TXNRD3: variants seen among roughly 807,000 people sequenced by gnomAD.
The protein encoded by TXNRD3 is TXNRD3 neighbor gene protein.
In TXNRD3, 68 loss-of-function variants were observed where a neutral mutation model predicts 78.2. The ratio of observed to expected loss-of-function variants is 0.87; its 90% confidence interval spans 0.72 to 1.06. The LOEUF (loss-of-function observed/expected upper bound fraction) is 1.06. Among genes scored for constraint, TXNRD3 ranks in the 50% least tolerant of loss-of-function variants. The pLI is 0.00. For synonymous variants in TXNRD3, 296 were observed against 300.1 expected (o/e 0.99, Z 0.14); for missense variants, 751 against 809.5 (o/e 0.93, Z 0.88).
intron 10 of TXNRD3, among the ~76,000 whole-genome samples, chr3:126,628,091 G>A (rs1938621832): frequency 6.6e-6 from 1 of 152,064 alleles, no homozygotes; most frequent in South Asian, 2.1e-4. Flanking sequence ...ATCATCCACA[G>A]CTGCAAACGA....
intron 10 of TXNRD3, among the ~76,000 whole-genome samples, chr3:126,623,116 T>C (rs1428986593): frequency 3.9e-5 from 6 of 152,212 alleles, no homozygotes; most frequent in Admixed American, 3.9e-4. Context: ...AAAATAAATG[T>C]TGTTTAAGCC....
At chr3:126,632,663 A>T (rs1559775918) in intron 7 of TXNRD3, among the ~76,000 whole-genome samples, 1 of 151,154 alleles carries the variant, frequency 6.6e-6, no homozygotes, top group Non-Finnish European at 1.5e-5. Flanking sequence ...CTGTCTCAAA[A>T]AAAAAAAAAA....
At chr3:126,634,952 A>T (rs1304176519) in intron 6 of TXNRD3, among the ~76,000 whole-genome samples, 3 of 152,202 alleles carry the variant, frequency 2.0e-5, no homozygotes, top group Non-Finnish European at 4.4e-5. Flanking sequence ...AAGCTTAGCC[A>T]ATGTCAACAC....
chr3:126,614,919 C>T (rs116338003), intron 13 of TXNRD3, among the ~76,000 whole-genome samples: 3,380 of 152,168 alleles, frequency 0.022, 52 homozygotes, highest in Non-Finnish European at 0.031. Context: ...TATAATTGGA[C>T]AGGGTTGGGG....
chr3:126,641,959 G>A, intron 6 of TXNRD3, 73 bp downstream of exon 6: 1 of 1,407,352 alleles, frequency 7.1e-7, no homozygotes, highest in African/African-American at 1.5e-5. Context: ...ATAAAAATAT[G>A]AATACCAAGT....
At chr3:126,612,819 C>T (rs1427260375) in intron 13 of TXNRD3, among the ~76,000 whole-genome samples, 2 of 152,222 alleles carry the variant, frequency 1.3e-5, no homozygotes, top group East Asian at 3.8e-4. Context: ...TCCAACTTTA[C>T]ATTTTTCCTT....
In TXNRD3 at chr3:126,607,658, C is replaced by A; in HGVS notation, c.*247G>T. 3.0e-6 allele frequency: 1 copy of A among 333,074 alleles called. No individual in the cohort carries two copies. Among genetic ancestry groups the A allele is most frequent in the Non-Finnish European group, 5.4e-6 (1 of 184,856 alleles). The allele number at this position is 333,074 out of a possible 1,614,324, so 20.6% of individuals were successfully genotyped here. On this transcript the variant is annotated 3_prime_UTR_variant, in exon 16 of 16. Coordinates refer to ENST00000524230, the MANE Select transcript of TXNRD3 (RefSeq NM_052883.3). Reference sequence around the variant, plus strand: ...GAGTCAGCCTTGGCTCACCTCATAACGGGGCTCCAAGCTAAGGCGTCAAGG... The same window carrying A: ...GAGTCAGCCTTGGCTCACCTCATAAAGGGGCTCCAAGCTAAGGCGTCAAGG...
chr3:126,646,314 G>T, intron 2 of TXNRD3, 94 bp from the exon 3 acceptor site: 1 of 963,364 alleles, frequency 1.0e-6, no homozygotes, highest in Non-Finnish European at 1.5e-6. Flanking sequence ...ATGTTCACAT[G>T]TACATACTCA....
chr3:126,629,574 G>A, intron 9 of TXNRD3, 103 bp from the exon 10 acceptor site: 1 of 853,216 alleles, frequency 1.2e-6, no homozygotes, highest in Non-Finnish European at 1.7e-6. Context: ...TGTGTTTGGT[G>A]GTGGTACATA....
intron 6 of TXNRD3, among the ~76,000 whole-genome samples, chr3:126,639,734 CTAATTTTTCTATTTTTTGTAGAG>C (rs1240633500): frequency 2.0e-5 from 3 of 152,064 alleles, no homozygotes; most frequent in South Asian, 2.1e-4. Context: ...CCATGCCTGC[CTAATTTTTCTATTTTTTGTAGAG>C]TAATTTTTCT....
chr3:126,616,577 C>G (rs1239319754), intron 12 of TXNRD3, among the ~76,000 whole-genome samples: 1 of 152,168 alleles, frequency 6.6e-6, no homozygotes, highest in African/African-American at 2.4e-5. Context: ...CACATCTGTA[C>G]AAACCCCCCA....
In TXNRD3 at chr3:126,611,139, G is replaced by T. The variant is rs1045472960; in HGVS notation, c.1633-7C>A. 2 of 1,494,012 alleles carry T rather than the reference G, an allele frequency of 1.3e-6. No individual in the cohort carries two copies. Among genetic ancestry groups the T allele is most frequent in the African/African-American group, 2.8e-5 (2 of 71,402 alleles). The allele number at this position is 1,494,012 out of a possible 1,614,324, so 92.5% of individuals were successfully genotyped here. A position where few individuals can be genotyped will look rare whatever the true frequency, so the allele number is the denominator to read the frequency against. Reference sequence around the variant, plus strand: ...AGAACAAAGTATGATATATCTGGAAGATAAAAGAGAGAAAAAGGGCAGAAT... The same window carrying T: ...AGAACAAAGTATGATATATCTGGAATATAAAAGAGAGAAAAAGGGCAGAAT... On this transcript the variant is annotated splice_region_variant and splice_polypyrimidine_tract_variant and intron_variant, in intron 13 of 15. Coordinates refer to ENST00000524230, the MANE Select transcript of TXNRD3 (RefSeq NM_052883.3).
chr3:126,641,236 G>A (rs772858671), intron 6 of TXNRD3, among the ~76,000 whole-genome samples: 13 of 151,974 alleles, frequency 8.6e-5, no homozygotes, highest in African/African-American at 1.2e-4. Context: ...TTTTCTGCTT[G>A]CTACTTAGCT....
At chr3:126,612,453 G>C (rs1559770087) in intron 13 of TXNRD3, among the ~76,000 whole-genome samples, 1 of 151,994 alleles carries the variant, frequency 6.6e-6, no homozygotes. Flanking sequence ...AAAAAGAGAT[G>C]GTACAAACTC....
intron 13 of TXNRD3, among the ~76,000 whole-genome samples, chr3:126,611,448 G>A (rs1938197533): frequency 6.6e-6 from 1 of 152,184 alleles, no homozygotes; most frequent in Non-Finnish European, 1.5e-5. Context: ...GCTCTCGTGT[G>A]GGCTGCAGAG....
intron 2 of TXNRD3, 58 bp from the exon 3 acceptor site, chr3:126,646,278 G>T: frequency 7.9e-7 from 1 of 1,265,572 alleles, no homozygotes; most frequent in Non-Finnish European, 1.0e-6. Context: ...ATCTTTGTGA[G>T]TTAAACAAAG....
intron 3 of TXNRD3, among the ~76,000 whole-genome samples, chr3:126,645,833 A>C (rs960502106): frequency 3.5e-4 from 54 of 152,286 alleles, no homozygotes; most frequent in African/African-American, 1.3e-3. Flanking sequence ...CATTAATGTT[A>C]TCTCTCCCTA....
intron 14 of TXNRD3, chr3:126,609,121 C>A: frequency 2.3e-6 from 1 of 438,388 alleles, no homozygotes; most frequent in Non-Finnish European, 4.6e-6. Flanking sequence ...GTATGGGGTG[C>A]AGGCAATGAG....
chr3:126,651,810 A>G (rs1933397200), intron 1 of TXNRD3, among the ~76,000 whole-genome samples: 1 of 152,200 alleles, frequency 6.6e-6, no homozygotes, highest in South Asian at 2.1e-4. Context: ...CCCCACTCCT[A>G]TTACTAATAT....
Sources: gnomAD v4.1 joint callset for allele counts (sites outside exome capture counted in the v4.1 genomes callset) on GRCh38, gnomAD v4.1.1 for gene constraint, MANE v1.5 for transcripts, NCBI Gene and HGNC (gene_info 2026-07-23, HGNC 2026-07-21) for gene names.